Variants in ATRN observed in about 807,000 individuals in gnomAD.
ATRN encodes attractin.
Under a neutral mutation model 178.7 loss-of-function variants are expected in ATRN, and 54 were observed. That is an observed-to-expected ratio of 0.30 (90% CI 0.24 to 0.38). ATRN has a LOEUF of 0.38. Ranked by LOEUF, ATRN falls within the 10% of genes least tolerant of loss-of-function variation. The probability of loss-of-function intolerance (pLI) is 1.00; values close to 1 mark genes in which losing one functional copy is unlikely to be tolerated. For synonymous variants in ATRN, 636 were observed against 663.0 expected (o/e 0.96, Z 0.63); for missense variants, 1,443 against 1,815.1 (o/e 0.79, Z 3.73).
chr20:3,591,386 G>C, intron 19 of ATRN, 80 bp downstream of exon 19: 5 of 1,469,098 alleles, frequency 3.4e-6, no homozygotes. Context: ...TATCTAGGAG[G>C]AAAAAAGCCA....
intron 24 of ATRN, among the ~76,000 whole-genome samples, chr20:3,605,890 T>C (rs1415042454): frequency 6.6e-6 from 1 of 152,188 alleles, no homozygotes; most frequent in Non-Finnish European, 1.5e-5. Context: ...CCTGCACATG[T>C]ACCCCTGAAC....
At chr20:3,625,492 C>T (rs969443654) in intron 25 of ATRN, among the ~76,000 whole-genome samples, 4 of 152,100 alleles carry the variant, frequency 2.6e-5, no homozygotes, top group Non-Finnish European at 4.4e-5. Context: ...CATGTTTTGG[C>T]TTTTTAATTG....
intron 25 of ATRN, chr20:3,628,923 A>G: frequency 3.0e-6 from 3 of 984,516 alleles, no homozygotes; most frequent in Non-Finnish European, 1.2e-6. Context: ...CCGTCTTCTC[A>G]CTCTGTGTTC....
At position 3,649,414 on chromosome 20, in the gene ATRN, A is replaced by T. The variant is rs1049518234; in HGVS notation, c.*2567A>T. On this transcript the variant is annotated 3_prime_UTR_variant, in exon 29 of 29. Transcript: ENST00000262919. ...TAACAATGTCTGAGTTTCACCTAAG[A>T]TGTTTTTGTGCCATATGCTGGATAT... 8.5e-5 allele frequency: 13 copies of T among 152,488 alleles called. No homozygotes were observed. The highest frequency in any genetic ancestry group is 3.1e-4 in the African/African-American group (13 of 41,424). 9.4% of individuals were successfully genotyped at this position (152,488 alleles called of 1,614,324 possible).
At chr20:3,541,888 A>G (rs1448273162) in intron 3 of ATRN, among the ~76,000 whole-genome samples, 1 of 152,240 alleles carries the variant, frequency 6.6e-6, no homozygotes, top group Non-Finnish European at 1.5e-5. Context: ...TGTTTCTCAC[A>G]TGGGGCTCAT....
chr20:3,513,523 A>G (rs1434000778), intron 1 of ATRN, among the ~76,000 whole-genome samples: 1 of 152,172 alleles, frequency 6.6e-6, no homozygotes, highest in Non-Finnish European at 1.5e-5. Flanking sequence ...CTTGTAGTAT[A>G]GTCTGAAGTC....
chr20:3,631,574 G>A (rs1307575498), intron 25 of ATRN, among the ~76,000 whole-genome samples: 1 of 152,146 alleles, frequency 6.6e-6, no homozygotes, highest in South Asian at 2.1e-4. Flanking sequence ...GTAGCTTCTT[G>A]TAGCTGGAGC....
chr20:3,555,652 G>A (rs1375171170), intron 6 of ATRN, among the ~76,000 whole-genome samples: 1 of 152,186 alleles, frequency 6.6e-6, no homozygotes, highest in East Asian at 1.9e-4. Context: ...CTTCAGAAGA[G>A]TAGATAGAAC....
intron 19 of ATRN, among the ~76,000 whole-genome samples, chr20:3,591,558 C>T (rs922094826): frequency 1.3e-5 from 2 of 152,168 alleles, no homozygotes; most frequent in Non-Finnish European, 2.9e-5. Context: ...AGCAAGGGCC[C>T]AAAACCAGAG....
chr20:3,475,421 G>A (rs984494693), intron 1 of ATRN, among the ~76,000 whole-genome samples: 2 of 152,112 alleles, frequency 1.3e-5, no homozygotes, highest in African/African-American at 4.8e-5. Flanking sequence ...TTGAATTATT[G>A]TAGTTAGTAA....
intron 1 of ATRN, among the ~76,000 whole-genome samples, chr20:3,529,029 G>T (rs1413739548): frequency 6.6e-6 from 1 of 151,742 alleles, no homozygotes; most frequent in East Asian, 1.9e-4. Context: ...GCTTAGGCTG[G>T]TCTTGAACTC....
At chr20:3,629,281 T>C (rs1261336326) in intron 25 of ATRN, 1 of 985,272 alleles carries the variant, frequency 1.0e-6, no homozygotes, top group African/African-American at 1.7e-5. Context: ...TAAAATAAAA[T>C]TCAGCGTCCT....
intron 18 of ATRN, among the ~76,000 whole-genome samples, 158 bp from the exon 19 acceptor site, chr20:3,591,011 T>C (rs2086434230): frequency 6.6e-6 from 1 of 152,248 alleles, no homozygotes; most frequent in South Asian, 2.1e-4. Flanking sequence ...TTCTTTGATA[T>C]TTTTTATCTT....
At chr20:3,624,395 T>C in intron 24 of ATRN, 116 bp from the exon 25 acceptor site, 1 of 958,936 alleles carries the variant, frequency 1.0e-6, no homozygotes, top group Non-Finnish European at 1.6e-6. Flanking sequence ...GAAAAAAGTT[T>C]CCTTAACTTC....
chr20:3,506,821 G>A (rs2085051291), intron 1 of ATRN, among the ~76,000 whole-genome samples: 1 of 151,752 alleles, frequency 6.6e-6, no homozygotes, highest in South Asian at 2.1e-4. Context: ...TAAATGATTA[G>A]TATCTTTAAG....
chr20:3,583,894 C>G lies in ATRN; in HGVS notation c.2765-4C>G. ...TAAGTGTCTCTCTTGGGTTTCATTC[C>G]CAGCAAACCACAGTGCTAAGCAGTG... On this transcript the variant is annotated splice_polypyrimidine_tract_variant and splice_region_variant and intron_variant, in intron 16 of 28. Coordinates refer to ENST00000262919, the MANE Select transcript of ATRN (RefSeq NM_139321.3). 6.2e-7 allele frequency: 1 copy of G among 1,611,446 alleles called. No homozygotes were observed. The highest frequency in any genetic ancestry group is 8.5e-7 in the Non-Finnish European group (1 of 1,177,870).
At chr20:3,531,146 T>C (rs867285062) in intron 1 of ATRN, among the ~76,000 whole-genome samples, 2 of 152,204 alleles carry the variant, frequency 1.3e-5, no homozygotes, top group South Asian at 2.1e-4. Flanking sequence ...GGCCTTTCTC[T>C]TTCAAATTCC....
intron 1 of ATRN, among the ~76,000 whole-genome samples, chr20:3,511,173 T>G (rs2085121800): frequency 6.6e-6 from 1 of 152,094 alleles, no homozygotes; most frequent in Admixed American, 6.6e-5. Flanking sequence ...AATATCTAAG[T>G]TTTCAACTCC....
intron 1 of ATRN, among the ~76,000 whole-genome samples, chr20:3,503,169 G>A (rs1240414593): frequency 6.6e-6 from 1 of 152,172 alleles, no homozygotes; most frequent in Non-Finnish European, 1.5e-5. Context: ...CAAAGGCTCT[G>A]TAAATTAGTC....
Sources: gnomAD v4.1 joint callset for allele counts (sites outside exome capture counted in the v4.1 genomes callset) on GRCh38, gnomAD v4.1.1 for gene constraint, MANE v1.5 for transcripts, NCBI Gene and HGNC (gene_info 2026-07-23, HGNC 2026-07-21) for gene names.